Variants in KIAA1217 observed in about 807,000 individuals in gnomAD.
KIAA1217 encodes the protein sickle tail protein homolog.
A neutral mutation model predicts 163.9 loss-of-function variants in KIAA1217; 88 were observed. That is an observed-to-expected ratio of 0.54 (90% CI 0.45 to 0.64). The LOEUF (loss-of-function observed/expected upper bound fraction) is 0.64, where lower values mean the gene tolerates loss of function less well. Among genes scored for constraint, KIAA1217 ranks in the 30% least tolerant of loss-of-function variants. The pLI is 0.00. For missense variants in KIAA1217, 2,372 were observed against 2,475.0 expected (o/e 0.96, Z 0.88); for synonymous variants, 903 against 923.1 (o/e 0.98, Z 0.39).
At chr10:23,963,568 A>G (rs980828420) in intron 1 of KIAA1217, among the ~76,000 whole-genome samples, 2 of 152,206 alleles carry the variant, frequency 1.3e-5, no homozygotes, top group African/African-American at 4.8e-5. Flanking sequence ...CAGTGCCGCA[A>G]TAAACATAGA....
At chr10:24,294,560 C>G (rs2079490649) in intron 2 of KIAA1217, among the ~76,000 whole-genome samples, 1 of 152,198 alleles carries the variant, frequency 6.6e-6, no homozygotes, top group African/African-American at 2.4e-5. Flanking sequence ...AAATAGACCA[C>G]CGTGTATGCA....
intron 2 of KIAA1217, among the ~76,000 whole-genome samples, chr10:24,126,745 C>T (rs1464348483): frequency 3.9e-5 from 6 of 151,938 alleles, no homozygotes; most frequent in Non-Finnish European, 7.4e-5. Context: ...TGTCTCTTCC[C>T]TTCACTTGGC....
Position 24,211,388 on chromosome 10 carries a change from T to TTTTTA in KIAA1217, c.70+2127_70+2128insTTATT, listed in dbSNP as rs1564835656. On this transcript the variant is annotated intron_variant, in intron 1 of 20. Coordinates refer to ENST00000376454, the MANE Select transcript of KIAA1217 (RefSeq NM_019590.5). The stretch of plus-strand genomic sequence containing the variant: ...TTTTTTTTTTTTTTTTTTTTTTTTT[T>TTTTTA]TTAGAGAGGGTCTCATTTGTCACCC... Among the ~76,000 whole-genome samples the TTTTTA allele has an allele frequency of 1.2e-4, 14 of 114,066 alleles. 1 individual carries two copies. Among genetic ancestry groups the TTTTTA allele is most frequent in the African/African-American group, 4.5e-4 (13 of 28,718 alleles). 74.8% of individuals were successfully genotyped at this position (114,066 alleles called of 152,430 possible).
chr10:23,790,487 ACATATATACATGTG>A (rs1835818848), intron 1 of KIAA1217, among the ~76,000 whole-genome samples: 2 of 112,604 alleles, frequency 1.8e-5, no homozygotes, highest in Non-Finnish European at 3.5e-5. Context: ...GTGCATATAT[ACATATATACATGTG>A]CATATATACA....
intron 2 of KIAA1217, among the ~76,000 whole-genome samples, chr10:24,334,235 A>G (rs2046045684): frequency 6.6e-6 from 1 of 152,146 alleles, no homozygotes; most frequent in Non-Finnish European, 1.5e-5. Flanking sequence ...GACTTAGTCT[A>G]TTGCAAGAAA....
At chr10:24,287,330 C>T (rs112198986) in intron 2 of KIAA1217, among the ~76,000 whole-genome samples, 4,169 of 152,264 alleles carry the variant, frequency 0.027, 86 homozygotes, top group Non-Finnish European at 0.04. Flanking sequence ...GGGTTACGGG[C>T]GTGAGCCACC....
At chr10:24,150,272 C>T (rs1276402323) in intron 2 of KIAA1217, among the ~76,000 whole-genome samples, 2 of 152,206 alleles carry the variant, frequency 1.3e-5, no homozygotes, top group Non-Finnish European at 2.9e-5. Context: ...ACCTCAGCCT[C>T]CCAAAGCGCT....
At chr10:24,070,554 A>G (rs2061147903) in intron 2 of KIAA1217, among the ~76,000 whole-genome samples, 1 of 152,132 alleles carries the variant, frequency 6.6e-6, no homozygotes, top group African/African-American at 2.4e-5. Flanking sequence ...TCAGTTTCCA[A>G]CTCTATTATA....
intron 1 of KIAA1217, among the ~76,000 whole-genome samples, chr10:24,000,596 T>C (rs1023388839): frequency 9.2e-5 from 14 of 152,228 alleles, no homozygotes; most frequent in Non-Finnish European, 8.8e-5. Context: ...AGTAACACAA[T>C]GTGTATCTTG....
intron 5 of KIAA1217, among the ~76,000 whole-genome samples, chr10:24,468,446 C>T (rs1218947962): frequency 6.6e-6 from 1 of 152,174 alleles, no homozygotes; most frequent in African/African-American, 2.4e-5. Context: ...GCTTGGCAAA[C>T]CAACATAAGA....
chr10:24,427,085 C>A (rs2059231532), intron 3 of KIAA1217, among the ~76,000 whole-genome samples: 1 of 152,138 alleles, frequency 6.6e-6, no homozygotes, highest in African/African-American at 2.4e-5. Flanking sequence ...CATTCCTTTG[C>A]AAAGCCATGG....
At chr10:23,703,677 T>C (rs746380154) in intron 1 of KIAA1217, among the ~76,000 whole-genome samples, 3 of 152,118 alleles carry the variant, frequency 2.0e-5, no homozygotes, top group Non-Finnish European at 2.9e-5. Flanking sequence ...TTTTCACGGC[T>C]AACAATGATG....
At chr10:24,119,301 T>C (rs1486225383) in intron 2 of KIAA1217, among the ~76,000 whole-genome samples, 2 of 152,234 alleles carry the variant, frequency 1.3e-5, no homozygotes, top group African/African-American at 2.4e-5. Context: ...AGCAAACCAA[T>C]TTATTTCAAC....
intron 1 of KIAA1217, among the ~76,000 whole-genome samples, chr10:23,734,700 G>A (rs75084753): frequency 0.022 from 3,335 of 152,124 alleles, 108 homozygotes; most frequent in African/African-American, 0.072. Flanking sequence ...TTCTGCAACT[G>A]GCAACTCCTG....
chr10:23,813,153 C>G (rs1490636875), intron 1 of KIAA1217, among the ~76,000 whole-genome samples: 1 of 152,038 alleles, frequency 6.6e-6, no homozygotes, highest in African/African-American at 2.4e-5. Context: ...AGTGCTATCT[C>G]CTTGTGGTTT....
At chr10:23,779,406 AC>A (rs967320148) in intron 1 of KIAA1217, among the ~76,000 whole-genome samples, 1 of 152,044 alleles carries the variant, frequency 6.6e-6, no homozygotes, top group African/African-American at 2.4e-5. Context: ...CAGAATAGAA[AC>A]CTCTTTAAGC....
intron 8 of KIAA1217, among the ~76,000 whole-genome samples, chr10:24,497,797 C>T (rs981832255): frequency 7.2e-5 from 10 of 139,664 alleles, no homozygotes; most frequent in South Asian, 2.5e-4. Context: ...CAATTAGGCC[C>T]GTATTATAAT....
At chr10:24,208,747 T>G (rs1298452524), upstream of KIAA1217, 2 of 155,612 alleles carry the variant, frequency 1.3e-5, no homozygotes, top group East Asian at 1.9e-4. Flanking sequence ...CAGCGAAGGC[T>G]CTCGGCCTTA....
intron 5 of KIAA1217, among the ~76,000 whole-genome samples, chr10:24,470,526 T>A (rs1462962512): frequency 1.3e-5 from 2 of 152,092 alleles, no homozygotes; most frequent in Non-Finnish European, 2.9e-5. Context: ...AGAGAGACCC[T>A]GGAGTGAGGA....
Sources: gnomAD v4.1 joint callset for allele counts (sites outside exome capture counted in the v4.1 genomes callset) on GRCh38, gnomAD v4.1.1 for gene constraint, MANE v1.5 for transcripts, NCBI Gene and HGNC (gene_info 2026-07-23, HGNC 2026-07-21) for gene names.